LPL: variants seen among roughly 807,000 people sequenced by gnomAD.
LPL encodes phospholipase A1.
Under a neutral mutation model 52.2 loss-of-function variants are expected in LPL, and 43 were observed. The observed-to-expected ratio is 0.82, with a 90% CI of 0.64 to 1.06. The LOEUF is 1.06. LPL is among the 50% of genes least tolerant of loss of function. The pLI is 0.00. For missense variants in LPL, 639 were observed against 585.3 expected, an observed-to-expected ratio of 1.09 and a Z score of -0.95; for synonymous variants, 244 against 215.6, an observed-to-expected ratio of 1.13 and a Z score of -1.15.
chr8:19,962,853 T>C (rs539325834), intron 9 of LPL, among the ~76,000 whole-genome samples: 3 of 152,320 alleles, frequency 2.0e-5, no homozygotes, highest in South Asian at 2.1e-4. Context: ...GGCTAATCCA[T>C]GTGGCAGCTG....
chr8:19,962,242 G>T, intron 9 of LPL, 23 bp downstream of exon 9: 1 of 1,586,072 alleles, frequency 6.3e-7, no homozygotes, highest in South Asian at 1.1e-5. Context: ...GGCTAAAGCT[G>T]ACTGGGCATC....
intron 1 of LPL, 106 bp from the exon 2 acceptor site, chr8:19,948,069 GAAACA>G (rs2069898722): frequency 1.7e-6 from 2 of 1,206,052 alleles, no homozygotes; most frequent in Admixed American, 3.4e-5. Context: ...AAACACTTCA[GAAACA>G]AAAATAGCAT....
chr8:19,961,766 A>T (rs1369731041), intron 8 of LPL, among the ~76,000 whole-genome samples: 2 of 152,148 alleles, frequency 1.3e-5, no homozygotes, highest in African/African-American at 4.8e-5. Flanking sequence ...TACACTAGCA[A>T]TGTCTAGCTG....
chr8:19,962,389 T>A (rs970817721), intron 9 of LPL, among the ~76,000 whole-genome samples, 170 bp downstream of exon 9: 8 of 152,248 alleles, frequency 5.3e-5, no homozygotes, highest in African/African-American at 1.9e-4. Flanking sequence ...ATGGGTCTGT[T>A]GCTTTATGCA....
rs529588428 is a variant in LPL at position 19,961,211 on chromosome 8, T to C, written c.1322+128T>C. The C allele has an allele frequency of 1.7e-5, 11 of 644,084 alleles. No homozygotes were observed. In the South Asian group the frequency reaches 2.4e-4, roughly 14 times the overall value. The allele number at this position is 644,084 out of a possible 1,614,324, so 39.9% of individuals were successfully genotyped here. Reference sequence around the variant, plus strand: ...AAACCTTGTATTTATTACTGTATGATGTAGATTTTCTTTAGGAGTCTTCTT... The same window carrying C: ...AAACCTTGTATTTATTACTGTATGACGTAGATTTTCTTTAGGAGTCTTCTT... On this transcript the variant is annotated intron_variant, in intron 8 of 9. Transcript: ENST00000650287.
Position 19,961,034 on chromosome 8 carries a change from G to A in LPL, c.1273G>A (p.Gly425Ser), listed in dbSNP as rs546244838. The A allele has an allele frequency of 2.3e-5, 37 of 1,614,092 alleles. No homozygotes were observed. The highest frequency in any genetic ancestry group is 1.6e-4 in the Middle Eastern group (1 of 6,062). The change falls in exon 8 of 10, where the codon GGC becomes AGC. Residue 425 changes from glycine (G) to serine (S), a missense_variant. Transcript: ENST00000650287. ...CTGGTCAGACTGGTGGAGCAGTCCC[G>A]GCTTCGCCATTCAGAAGATCAGAGT... is the stretch of plus-strand genomic sequence containing the variant. ...FSWSDWWSSP[G>S]FAIQKIRVKA...
chr8:19,953,457 G>A (rs1427547988), intron 4 of LPL, 36 bp downstream of exon 4: 2 of 1,446,524 alleles, frequency 1.4e-6, no homozygotes, highest in South Asian at 1.1e-5. Context: ...ATCATAAGAG[G>A]TGAAAAGACT....
chr8:19,951,979 CA>C (rs1238230357), intron 3 of LPL, 31 bp downstream of exon 3: 2 of 1,610,834 alleles, frequency 1.2e-6, no homozygotes, highest in Admixed American at 1.7e-5. Context: ...CTTATGTGTC[CA>C]AAACAGTGTT....
chr8:19,965,628 T>C lies in LPL; in HGVS notation c.*318T>C, dbSNP rs1226870638. Reference sequence around the variant, plus strand: ...GAGCGCAGAGTAAAATAAGGCTCCTTCATGTGGCGTATTGGGCCATAGCCT... The same window carrying C: ...GAGCGCAGAGTAAAATAAGGCTCCTCCATGTGGCGTATTGGGCCATAGCCT... On this transcript the variant is annotated 3_prime_UTR_variant, in exon 10 of 10. Transcript: ENST00000650287. The C allele has an allele frequency of 1.6e-5, 5 of 321,654 alleles. No individual in the cohort carries two copies. Among genetic ancestry groups the C allele is most frequent in the Admixed American group, 9.0e-5 (2 of 22,326 alleles). 19.9% of individuals were successfully genotyped at this position (321,654 alleles called of 1,614,324 possible).
At chr8:19,943,284 T>C (rs930062191) in intron 1 of LPL, among the ~76,000 whole-genome samples, 19 of 152,172 alleles carry the variant, frequency 1.2e-4, no homozygotes, top group African/African-American at 4.6e-4. Context: ...GGGATGGTGG[T>C]GAATGTAGGT....
rs1382166712 is a variant in LPL at position 19,951,877 on chromosome 8, C to A, written c.358C>A (p.His120Asn). Reference protein sequence around the residue: ...VVDWLSRAQEHYPVSAGYTKL... With the variant: ...VVDWLSRAQENYPVSAGYTKL... ...GGACTGGCTGTCACGGGCTCAGGAG[C>A]ATTACCCAGTGTCCGCGGGCTACAC... The change falls in exon 3 of 10, where the codon CAT (histidine) becomes AAT (asparagine). Residue 120 changes from histidine (H) to asparagine (N), a missense_variant. His to Asn is a moderately conservative substitution (Grantham distance 68, BLOSUM62 1). Transcript: ENST00000650287. 6.2e-7 allele frequency: 1 copy of A among 1,614,174 alleles called. No individual in the cohort carries two copies. The highest frequency in any genetic ancestry group is 8.5e-7 in the Non-Finnish European group (1 of 1,180,036).
rs138285812 is a variant in LPL, at chr8:19,962,899, G to A, written c.1427+680G>A. 5.5e-3 allele frequency among the ~76,000 whole-genome samples: 842 copies of A among 152,306 alleles called. 6 individuals carry two copies. Among genetic ancestry groups the A allele is most frequent in the African/African-American group, 0.019 (798 of 41,552 alleles). Reference sequence around the variant, plus strand: ...CTTTCCAGAGCGTCAGTACTGAGAGGACACTAAGCATGTGACCTTCACTAC... The same window carrying A: ...CTTTCCAGAGCGTCAGTACTGAGAGAACACTAAGCATGTGACCTTCACTAC... On this transcript the variant is annotated intron_variant, in intron 9 of 9. Transcript: ENST00000650287.
At chr8:19,952,054 G>T in intron 3 of LPL, 106 bp downstream of exon 3, 1 of 1,284,836 alleles carries the variant, frequency 7.8e-7, no homozygotes, top group Non-Finnish European at 1.1e-6. Flanking sequence ...AATATTTTCT[G>T]GGGGCATTCA....
rs73667467 is a variant in LPL at position 19,944,908 on chromosome 8, G to A, written c.89-3272G>A. Among the ~76,000 whole-genome samples the A allele has an allele frequency of 7.7e-3, 1,168 of 152,240 alleles. 17 individuals carry two copies. Among genetic ancestry groups the A allele is most frequent in the African/African-American group, 0.027 (1,101 of 41,542 alleles). ...ATTTCTGACGAGGCCTGATGGGCAGGTGGTACGGTGATGCTAAGTTAAATT... is the reference window on the plus strand; with the variant it reads ...ATTTCTGACGAGGCCTGATGGGCAGATGGTACGGTGATGCTAAGTTAAATT... On this transcript the variant is annotated intron_variant, in intron 1 of 9. Transcript: ENST00000650287. This position sits in a 1 kb window ranked among gnomAD's most constrained non-coding sequence, Gnocchi z 4.2.
At chr8:19,959,940 C>G (rs934123899) in intron 7 of LPL, among the ~76,000 whole-genome samples, 2 of 151,826 alleles carry the variant, frequency 1.3e-5, no homozygotes. Context: ...AGGTGCCCAC[C>G]ACCATGCCCA....
intron 6 of LPL, among the ~76,000 whole-genome samples, chr8:19,957,896 A>G (rs2070001054): frequency 6.6e-6 from 1 of 152,166 alleles, no homozygotes; most frequent in African/African-American, 2.4e-5. Flanking sequence ...TCTCAGCTTA[A>G]GAGAAAATAC....
chr8:19,951,781 T>C lies in LPL; in HGVS notation c.262T>C (p.Tyr88His). The C allele has an allele frequency of 7.4e-6, 12 of 1,614,036 alleles. No individual in the cohort carries two copies. Among genetic ancestry groups the C allele is most frequent in the Non-Finnish European group, 1.0e-5 (12 of 1,180,036 alleles). ...VIHGWTVTGM[Y>H]ESWVPKLVAA... is the part of the protein sequence containing the mutation. ...TCATCATCTTCAGGTAACAGGAATG[T>C]ATGAGAGTTGGGTGCCAAAACTTGT... The change falls in exon 3 of 10, where the codon TAT becomes CAT. Residue 88 changes from tyrosine (Y) to histidine (H), a missense_variant. Coordinates refer to ENST00000650287, the MANE Select transcript of LPL (RefSeq NM_000237.3).
At chr8:19,952,984 C>T (rs2069948761) in intron 3 of LPL, among the ~76,000 whole-genome samples, 1 of 152,026 alleles carries the variant, frequency 6.6e-6, no homozygotes, top group African/African-American at 2.4e-5. Context: ...TATGCAAATA[C>T]ATATACATAT....
intron 1 of LPL, 42 bp from the exon 2 acceptor site, chr8:19,948,138 G>A: frequency 6.3e-7 from 1 of 1,590,432 alleles, no homozygotes; most frequent in Non-Finnish European, 8.6e-7. Context: ...ATAAAATCAA[G>A]CAACCCTCCA....
Sources: allele counts gnomAD v4.1 joint callset (sites outside exome capture counted in the v4.1 genomes callset), GRCh38; gene constraint gnomAD v4.1.1; non-coding constraint Gnocchi (gnomAD v3.1); transcripts MANE v1.5; gene names NCBI Gene and HGNC (gene_info 2026-07-23, HGNC 2026-07-21).